The following SRRM4 variants were observed in gnomAD, a reference collection of about 807,000 sequenced individuals.
SRRM4 encodes the protein serine/arginine repetitive matrix protein 4.
Under a neutral mutation model 68.9 loss-of-function variants are expected in SRRM4, and 33 were observed. The observed-to-expected ratio is 0.48, with a 90% CI of 0.36 to 0.64. SRRM4 has a LOEUF of 0.64. Ranked by LOEUF, SRRM4 falls within the 30% of genes least tolerant of loss-of-function variation. SRRM4 has a pLI of 0.00. For missense variants in SRRM4, 817 were observed against 827.1 expected, an observed-to-expected ratio of 0.99 and a Z score of 0.15; for synonymous variants, 318 against 318.8, an observed-to-expected ratio of 1.00 and a Z score of 0.03.
At chr12:119,140,903 A>C (rs1018562466) in intron 8 of SRRM4, among the ~76,000 whole-genome samples, 8 of 152,200 alleles carry the variant, frequency 5.3e-5, no homozygotes, top group Non-Finnish European at 1.2e-4. Context: ...CTTCTGTTCA[A>C]TAGCACAGTA....
chr12:119,084,547 G>C (rs117682200), intron 1 of SRRM4, among the ~76,000 whole-genome samples: 1 of 152,196 alleles, frequency 6.6e-6, no homozygotes, highest in South Asian at 2.1e-4. Flanking sequence ...TCTGCTGCCT[G>C]CCCCCTTAGT....
intron 1 of SRRM4, among the ~76,000 whole-genome samples, chr12:119,070,432 A>G (rs1332216975): frequency 2.0e-5 from 3 of 152,096 alleles, no homozygotes; most frequent in Admixed American, 2.0e-4. Context: ...CATGTCTGCA[A>G]TTTCCAAACT....
intron 1 of SRRM4, among the ~76,000 whole-genome samples, chr12:119,087,577 G>T: frequency 6.6e-6 from 1 of 151,586 alleles, no homozygotes; most frequent in East Asian, 2.0e-4. Flanking sequence ...AATATTGGTC[G>T]ATGGGGTGTT....
chr12:118,996,885 G>C (rs578143542), intron 1 of SRRM4, among the ~76,000 whole-genome samples: 8 of 152,320 alleles, frequency 5.3e-5, no homozygotes, highest in African/African-American at 1.4e-4. Flanking sequence ...TCAGTTTCTA[G>C]GTGATTACTT....
At chr12:119,035,644 C>T (rs1953621990) in intron 1 of SRRM4, among the ~76,000 whole-genome samples, 1 of 152,020 alleles carries the variant, frequency 6.6e-6, no homozygotes, top group Non-Finnish European at 1.5e-5. Context: ...GCTTCAATTG[C>T]AATTTTATTT....
At chr12:119,108,458 T>C (rs143954370) in intron 2 of SRRM4, among the ~76,000 whole-genome samples, 2 of 152,262 alleles carry the variant, frequency 1.3e-5, no homozygotes, top group East Asian at 3.9e-4. Context: ...CTAAGTCTCA[T>C]TGTATGTCTC....
intron 7 of SRRM4, among the ~76,000 whole-genome samples, chr12:119,126,319 C>T (rs1378178963): frequency 6.6e-6 from 1 of 152,100 alleles, no homozygotes; most frequent in Admixed American, 6.5e-5. Flanking sequence ...CCACCGCCCC[C>T]AGCTCTAGCT....
intron 1 of SRRM4, among the ~76,000 whole-genome samples, chr12:119,003,308 A>G (rs1327741065): frequency 2.0e-5 from 3 of 151,532 alleles, no homozygotes; most frequent in African/African-American, 7.3e-5. Context: ...TAAGACCCAA[A>G]CTGAATAGCT....
chr12:119,114,298 T>C lies in SRRM4; in HGVS notation c.299T>C (p.Leu100Ser). 1.2e-6 allele frequency: 2 copies of C among 1,612,606 alleles called. No homozygotes were observed. ...RGHSASHDKD[L>S]TPPPSSRGKK... Reference sequence around the variant, plus strand: ...CACAGTGCCTCTCATGACAAAGACTTGACACCACCACCTTCCTCCAGGGGA... The same window carrying C: ...CACAGTGCCTCTCATGACAAAGACTCGACACCACCACCTTCCTCCAGGGGA... The change falls in exon 3 of 13, where the codon TTG becomes TCG. Residue 100 changes from leucine (L) to serine (S), a missense_variant. Coordinates refer to ENST00000267260, the MANE Select transcript of SRRM4 (RefSeq NM_194286.4).
At chr12:119,020,150 G>T (rs181627738) in intron 1 of SRRM4, among the ~76,000 whole-genome samples, 2 of 151,924 alleles carry the variant, frequency 1.3e-5, no homozygotes, top group Non-Finnish European at 2.9e-5. Flanking sequence ...GCACCACCAG[G>T]GTGGTGGTGC....
intron 1 of SRRM4, among the ~76,000 whole-genome samples, chr12:118,986,786 CA>C (rs1953284814): frequency 6.6e-6 from 1 of 151,386 alleles, no homozygotes; most frequent in African/African-American, 2.4e-5. Context: ...TCCAGGCCAC[CA>C]AAAAAAGGGA....
At chr12:119,043,094 A>G (rs1953680134) in intron 1 of SRRM4, among the ~76,000 whole-genome samples, 1 of 152,234 alleles carries the variant, frequency 6.6e-6, no homozygotes, top group African/African-American at 2.4e-5. Context: ...ATGCATGTGT[A>G]TGTTCATTGC....
intron 1 of SRRM4, among the ~76,000 whole-genome samples, chr12:119,069,231 C>G (rs901567881): frequency 1.3e-5 from 2 of 152,134 alleles, no homozygotes; most frequent in African/African-American, 4.8e-5. Context: ...GGTTCCTGCC[C>G]CTGGCTGGGC....
intron 1 of SRRM4, among the ~76,000 whole-genome samples, chr12:119,085,579 G>T (rs1053522104): frequency 1.3e-5 from 2 of 152,314 alleles, no homozygotes; most frequent in South Asian, 4.1e-4. Flanking sequence ...AGTAGGTGAC[G>T]CCAGAAATTG....
At chr12:119,050,391 C>T (rs1170473331) in intron 1 of SRRM4, among the ~76,000 whole-genome samples, 4 of 152,222 alleles carry the variant, frequency 2.6e-5, no homozygotes, top group African/African-American at 9.6e-5. Context: ...CAGGGCTCTG[C>T]TTTCAAGGGC....
intron 1 of SRRM4, among the ~76,000 whole-genome samples, chr12:119,063,164 A>G (rs1413103457): frequency 6.6e-6 from 1 of 152,216 alleles, no homozygotes; most frequent in Non-Finnish European, 1.5e-5. Context: ...ATAGATGTTC[A>G]AAGATGAACA....
chr12:119,090,119 G>A (rs1040981035), intron 1 of SRRM4, among the ~76,000 whole-genome samples: 8 of 152,096 alleles, frequency 5.3e-5, no homozygotes, highest in African/African-American at 1.9e-4. Context: ...TAGGAATCAG[G>A]CAGACTCGAG....
At position 119,120,230 on chromosome 12, in the gene SRRM4, T is replaced by TTTTC; in HGVS notation, c.438-8_438-5dup. 1 of 1,531,736 alleles carries TTTTC rather than the reference T, an allele frequency of 6.5e-7. No homozygotes were observed. Among genetic ancestry groups the TTTTC allele is most frequent in the Non-Finnish European group, 8.8e-7 (1 of 1,132,042 alleles). 94.9% of individuals were successfully genotyped at this position (1,531,736 alleles called of 1,614,324 possible). A position where few individuals can be genotyped will look rare whatever the true frequency, so the allele number is the denominator to read the frequency against. ...TTTCTTTGATTCTTCTTTTCATTTTTTTTCTTTCTTTCTTTTCAGGTCATT... is the reference window on the plus strand; with the variant it reads ...TTTCTTTGATTCTTCTTTTCATTTTTTTTCTTTCTTTCTTTCTTTTCAGGTCATT... On this transcript the variant is annotated intron_variant, in intron 4 of 12. Transcript: ENST00000267260.
rs1275333104 is a variant in SRRM4 at position 119,130,823 on chromosome 12, G to C, written c.760G>C (p.Ala254Pro). ...QPLQMLGYLS[A>P]RGVITGSGSA... is the part of the protein sequence containing the mutation. Reference sequence around the variant, plus strand: ...CCTCCAGATGCTTGGCTACCTGTCAGCCAGGGGTGTAGTAAGTATTCTTCA... The same window carrying C: ...CCTCCAGATGCTTGGCTACCTGTCACCCAGGGGTGTAGTAAGTATTCTTCA... Residue 254 changes from alanine to proline, a missense_variant, in exon 8 of 13, where the codon GCC (alanine) becomes CCC (proline). Transcript: ENST00000267260. 7 of 1,604,700 alleles carry C rather than the reference G, an allele frequency of 4.4e-6. No individual in the cohort carries two copies. The highest frequency in any genetic ancestry group is 3.3e-4 in the Middle Eastern group (2 of 6,060).
Sources: gnomAD v4.1 joint callset for allele counts (sites outside exome capture counted in the v4.1 genomes callset) on GRCh38, gnomAD v4.1.1 for gene constraint, MANE v1.5 for transcripts, NCBI Gene and HGNC (gene_info 2026-07-23, HGNC 2026-07-21) for gene names.